CLVS1: variants seen among roughly 807,000 people sequenced by gnomAD.
The protein encoded by CLVS1 is clavesin 1, also known as clavesin-1.
CLVS1 carries 10 observed loss-of-function variants against 33.1 expected under a neutral mutation model. The ratio of observed to expected loss-of-function variants is 0.30; its 90% confidence interval spans 0.19 to 0.51. The LOEUF is 0.51. Among genes scored for constraint, CLVS1 ranks in the 20% least tolerant of loss-of-function variants. The pLI is 0.97. For missense variants in CLVS1, 343 were observed against 433.4 expected, an observed-to-expected ratio of 0.79 and a Z score of 1.85; for synonymous variants, 163 against 166.1, an observed-to-expected ratio of 0.98 and a Z score of 0.14.
chr8:61,127,325 C>G (rs1333094439), intron 1 of CLVS1, among the ~76,000 whole-genome samples: 1 of 151,560 alleles, frequency 6.6e-6, no homozygotes, highest in African/African-American at 2.4e-5. Context: ...AGCCATTCTT[C>G]TGCCTCAGCC....
intron 2 of CLVS1, among the ~76,000 whole-genome samples, chr8:61,162,133 T>C (rs949298916): frequency 1.3e-5 from 2 of 152,192 alleles, no homozygotes; most frequent in African/African-American, 4.8e-5. Context: ...CATTGCATGG[T>C]CTTTAAGCTC....
At chr8:61,146,483 G>A (rs969213969) in intron 2 of CLVS1, among the ~76,000 whole-genome samples, 1 of 152,126 alleles carries the variant, frequency 6.6e-6, no homozygotes, top group Non-Finnish European at 1.5e-5. Context: ...CTGTGCCCAG[G>A]CCCATGGAAG....
intron 3 of CLVS1, among the ~76,000 whole-genome samples, chr8:61,439,749 G>C (rs981561568): frequency 3.3e-5 from 5 of 152,114 alleles, no homozygotes; most frequent in Non-Finnish European, 1.5e-5. Flanking sequence ...TTTGTACCAT[G>C]AGATAATTTT....
At chr8:61,324,227 G>A (rs911281655) in intron 2 of CLVS1, among the ~76,000 whole-genome samples, 1 of 152,098 alleles carries the variant, frequency 6.6e-6, no homozygotes, top group African/African-American at 2.4e-5. Context: ...TGTATTAGGG[G>A]AGGGACCTGG....
chr8:61,076,139 T>TA (rs1208117572), intron 1 of CLVS1, among the ~76,000 whole-genome samples: 4 of 152,138 alleles, frequency 2.6e-5, no homozygotes, highest in Non-Finnish European at 4.4e-5. Flanking sequence ...ACAAATGTCT[T>TA]TCTTCTTTCA....
At chr8:61,202,817 TA>T (rs1807762637) in intron 2 of CLVS1, 3 of 1,169,056 alleles carry the variant, frequency 2.6e-6, no homozygotes, top group African/African-American at 1.5e-5. Flanking sequence ...CAGAAAAAAG[TA>T]AAACTTGCTG....
chr8:61,483,975 CA>C (rs777113045), intron 5 of CLVS1, among the ~76,000 whole-genome samples: 14 of 152,214 alleles, frequency 9.2e-5, no homozygotes, highest in Non-Finnish European at 2.1e-4. Context: ...GAAAAACCCA[CA>C]GCCAATATCA....
At chr8:61,209,023 G>T (rs138764135) in intron 2 of CLVS1, among the ~76,000 whole-genome samples, 1 of 152,154 alleles carries the variant, frequency 6.6e-6, no homozygotes, top group Non-Finnish European at 1.5e-5. Context: ...AGTTGATAGG[G>T]CAGTGTAAGT....
At chr8:61,399,868 A>T (rs1814680444) in intron 3 of CLVS1, among the ~76,000 whole-genome samples, 1 of 152,094 alleles carries the variant, frequency 6.6e-6, no homozygotes, top group East Asian at 1.9e-4. Flanking sequence ...TATTTCTGGG[A>T]TGTCTATTAT....
chr8:61,494,781 C>A (rs1377853810), intron 5 of CLVS1, among the ~76,000 whole-genome samples: 2 of 152,090 alleles, frequency 1.3e-5, no homozygotes, highest in Non-Finnish European at 2.9e-5. Context: ...TTTTGAAAAG[C>A]AACATTTACT....
At chr8:61,108,231 A>C (rs1020899776) in intron 1 of CLVS1, among the ~76,000 whole-genome samples, 2 of 151,640 alleles carry the variant, frequency 1.3e-5, no homozygotes, top group Non-Finnish European at 2.9e-5. Context: ...AAAAAAAAAA[A>C]AAACCATAAA....
chr8:61,254,303 G>A (rs776228606), intron 2 of CLVS1, among the ~76,000 whole-genome samples: 1 of 151,874 alleles, frequency 6.6e-6, no homozygotes, highest in Non-Finnish European at 1.5e-5. Flanking sequence ...AGGAGTACCC[G>A]GCTGTGTGAG....
At chr8:61,189,953 A>T (rs1434346580) in intron 2 of CLVS1, among the ~76,000 whole-genome samples, 3 of 152,176 alleles carry the variant, frequency 2.0e-5, no homozygotes, top group Non-Finnish European at 4.4e-5. Context: ...TGTCAACATT[A>T]GACAGACCAA....
At chr8:61,450,299 A>C (rs1816906934) in intron 3 of CLVS1, among the ~76,000 whole-genome samples, 1 of 152,202 alleles carries the variant, frequency 6.6e-6, no homozygotes, top group South Asian at 2.1e-4. Context: ...TCAAATAATA[A>C]GTTTTTTAAA....
intron 2 of CLVS1, among the ~76,000 whole-genome samples, chr8:61,316,229 C>T (rs995542993): frequency 8.5e-5 from 13 of 152,294 alleles, no homozygotes; most frequent in Admixed American, 8.5e-4. Flanking sequence ...GCACTATTCA[C>T]ATTAGCAAAA....
At chr8:61,060,443 G>A (rs996513675) in intron 1 of CLVS1, among the ~76,000 whole-genome samples, 1 of 152,144 alleles carries the variant, frequency 6.6e-6, no homozygotes, top group Non-Finnish European at 1.5e-5. Context: ...TCATTCAGCA[G>A]TTTAGGGATT....
At chr8:61,015,932 TA>T in the CLVS1 span, among the ~76,000 whole-genome samples, 2 of 151,994 alleles carry the variant, frequency 1.3e-5, no homozygotes, top group African/African-American at 4.8e-5. Context: ...CCAGAATCAA[TA>T]AAATATGGTG....
intron 3 of CLVS1, among the ~76,000 whole-genome samples, chr8:61,380,381 AT>A (rs1361278240): frequency 6.6e-6 from 1 of 152,202 alleles, no homozygotes; most frequent in Non-Finnish European, 1.5e-5. Context: ...TTTAGGGATC[AT>A]CAGATTTTTA....
intron 1 of CLVS1, among the ~76,000 whole-genome samples, chr8:61,083,628 T>G (rs1311328590): frequency 2.6e-5 from 4 of 152,104 alleles, no homozygotes; most frequent in Admixed American, 2.6e-4. Context: ...AAACCCAGGA[T>G]GTTATTTAAC....
Sources: gnomAD v4.1 joint callset for allele counts (sites outside exome capture counted in the v4.1 genomes callset) on GRCh38, gnomAD v4.1.1 for gene constraint, MANE v1.5 for transcripts, NCBI Gene and HGNC (gene_info 2026-07-23, HGNC 2026-07-21) for gene names.